OR2L13: variants seen among roughly 807,000 people sequenced by gnomAD.
OR2L13 encodes olfactory receptor 2L13.
OR2L13 carries 14 observed loss-of-function variants against 15.3 expected under a neutral mutation model. That is an observed-to-expected ratio of 0.91 (90% CI 0.60 to 1.43). The LOEUF is 1.43. OR2L13 is among the 40% of genes most tolerant of loss of function. OR2L13 has a pLI of 0.00. For synonymous variants in OR2L13, 152 were observed against 142.9 expected, an observed-to-expected ratio of 1.06 and a Z score of -0.45; for missense variants, 367 against 387.9, an observed-to-expected ratio of 0.95 and a Z score of 0.45.
At chr1:248,081,819 G>A in the OR2L13 span, among the ~76,000 whole-genome samples, 1 of 152,082 alleles carries the variant, frequency 6.6e-6, no homozygotes, top group Non-Finnish European at 1.5e-5. Flanking sequence ...ACTGGTTAAG[G>A]TACTATCTTA....
chr1:248,076,028 A>C, the OR2L13 span, among the ~76,000 whole-genome samples: 1 of 152,228 alleles, frequency 6.6e-6, no homozygotes, highest in African/African-American at 2.4e-5. Context: ...TTTTTATATA[A>C]GATCTAAGGG....
At chr1:247,992,197 T>C in the OR2L13 span, among the ~76,000 whole-genome samples, 4 of 139,278 alleles carry the variant, frequency 2.9e-5, no homozygotes, top group Admixed American at 1.4e-4. Context: ...TAAATATGTT[T>C]TCTCTTTCTG....
the OR2L13 span, among the ~76,000 whole-genome samples, chr1:247,992,297 ATTAT>A: frequency 6.6e-6 from 1 of 152,192 alleles, no homozygotes; most frequent in Non-Finnish European, 1.5e-5. Flanking sequence ...GTGTGAGTTA[ATTAT>A]TTATGTTATT....
the OR2L13 span, among the ~76,000 whole-genome samples, chr1:248,018,896 A>G: frequency 6.6e-6 from 1 of 152,224 alleles, no homozygotes; most frequent in African/African-American, 2.4e-5. Flanking sequence ...GAGAATTCAT[A>G]CAATATTTGC....
chr1:248,046,908 T>G, the OR2L13 span: 1 of 152,168 alleles, frequency 6.6e-6, no homozygotes, highest in Non-Finnish European at 1.5e-5. Flanking sequence ...ATTTTTAAAT[T>G]TTTATTGATT....
the OR2L13 span, among the ~76,000 whole-genome samples, chr1:247,951,703 G>A: frequency 6.6e-6 from 1 of 152,166 alleles, no homozygotes; most frequent in East Asian, 1.9e-4. Flanking sequence ...TGCTAACAAT[G>A]TTTACTGCTA....
At chr1:247,994,958 T>C in the OR2L13 span, among the ~76,000 whole-genome samples, 1 of 152,366 alleles carries the variant, frequency 6.6e-6, no homozygotes, top group African/African-American at 2.4e-5. Context: ...TTTGATGATC[T>C]CACTTTCCTT....
the OR2L13 span, among the ~76,000 whole-genome samples, chr1:247,991,663 C>T: frequency 1.2e-4 from 18 of 149,486 alleles, 2 homozygotes; most frequent in South Asian, 2.3e-3. Flanking sequence ...TGAGTAGCCA[C>T]TGGTATTCTC....
chr1:247,975,558 C>G, the OR2L13 span: 1 of 1,282,154 alleles, frequency 7.8e-7, no homozygotes, highest in African/African-American at 1.5e-5. Context: ...TCTACACCAT[C>G]CTCACCTCAA....
chr1:248,083,538 A>G, the OR2L13 span: 2 of 899,202 alleles, frequency 2.2e-6, no homozygotes, highest in Non-Finnish European at 3.5e-6. Context: ...TCAATGCACA[A>G]ACTTAATTTT....
chr1:248,084,399 A>C, the OR2L13 span: 1 of 1,612,596 alleles, frequency 6.2e-7, no homozygotes, highest in South Asian at 1.1e-5. Flanking sequence ...CACGTCCATG[A>C]GGGAGAGTTG....
the OR2L13 span, among the ~76,000 whole-genome samples, chr1:248,018,143 A>G: frequency 6.9e-6 from 1 of 145,542 alleles, no homozygotes; most frequent in Non-Finnish European, 1.5e-5. Flanking sequence ...CGACAGAGCG[A>G]CTCCATCTCA....
At chr1:247,970,413 CA>C in the OR2L13 span, among the ~76,000 whole-genome samples, 1 of 152,136 alleles carries the variant, frequency 6.6e-6, no homozygotes, top group South Asian at 2.1e-4. Context: ...TCCATGGCAA[CA>C]ATGTAATAGT....
the OR2L13 span, among the ~76,000 whole-genome samples, chr1:248,000,323 C>G: frequency 6.6e-6 from 1 of 152,020 alleles, no homozygotes; most frequent in Admixed American, 6.5e-5. Flanking sequence ...CCTTGGTTCC[C>G]AACTCTGTCA....
the OR2L13 span, among the ~76,000 whole-genome samples, chr1:248,000,264 C>A: frequency 2.0e-5 from 3 of 152,102 alleles, no homozygotes; most frequent in African/African-American, 7.2e-5. Context: ...GGAGGAAAAT[C>A]TGTGCCCCAG....
Position 248,099,428 on chromosome 1 carries a change from C to T in OR2L13, c.53C>T (p.Pro18Leu). ...GATTTCATTTTGTTGGGTCTGCTTC[C>T]CCCAAATCAAACTGGAATATTTCTC... is the stretch of plus-strand genomic sequence containing the variant. The change falls in exon 3 of 3, where the codon CCC (proline) becomes CTC (leucine). Residue 18 changes from proline to leucine, a missense_variant. By Grantham distance (98) the Pro-to-Leu change is moderately conservative (BLOSUM62 -3). Coordinates refer to ENST00000641714, the Ensembl canonical transcript of OR2L13. 8 of 1,613,812 alleles carry T rather than the reference C, an allele frequency of 5.0e-6. No homozygotes were observed. Among genetic ancestry groups the T allele is most frequent in the Non-Finnish European group, 6.8e-6 (8 of 1,179,900 alleles).
chr1:248,059,908 C>T, the OR2L13 span, among the ~76,000 whole-genome samples: 19 of 152,056 alleles, frequency 1.2e-4, no homozygotes, highest in African/African-American at 4.6e-4. Flanking sequence ...GGTATGGTGG[C>T]TTGTGGTCGT....
chr1:247,940,722 G>T, the OR2L13 span, among the ~76,000 whole-genome samples: 2 of 99,368 alleles, frequency 2.0e-5, no homozygotes, highest in Admixed American at 1.3e-4. Flanking sequence ...GTGTGTGTGT[G>T]CATACGTGCG....
At chr1:248,093,646 C>T (rs535697988), upstream of OR2L13, among the ~76,000 whole-genome samples, 47 of 152,308 alleles carry the variant, frequency 3.1e-4, 1 homozygote, top group African/African-American at 1.1e-3. Context: ...ATCTCATCAT[C>T]TCCTAGGACA....
Sources: gnomAD v4.1 joint callset for allele counts (sites outside exome capture counted in the v4.1 genomes callset) on GRCh38, gnomAD v4.1.1 for gene constraint, MANE v1.5 for transcripts, NCBI Gene and HGNC (gene_info 2026-07-23, HGNC 2026-07-21) for gene names.